LFNG: variants seen among roughly 807,000 people sequenced by gnomAD.
The protein encoded by LFNG is beta-1,3-N-acetylglucosaminyltransferase lunatic fringe.
Under a neutral mutation model 32.7 loss-of-function variants are expected in LFNG, and 15 were observed. The observed-to-expected ratio is 0.46, with a 90% CI of 0.31 to 0.71. LFNG has a LOEUF of 0.71. Among genes scored for constraint, LFNG ranks in the 30% least tolerant of loss-of-function variants. The pLI is 0.06. For synonymous variants in LFNG, 274 were observed against 246.8 expected (o/e 1.11, Z -1.03); for missense variants, 520 against 545.7 (o/e 0.95, Z 0.47).
intron 5 of LFNG, 70 bp downstream of exon 5, chr7:2,525,840 C>T: frequency 7.3e-7 from 1 of 1,369,232 alleles, no homozygotes; most frequent in Non-Finnish European, 1.0e-6. Context: ...TGGCTTAGTT[C>T]ATCTTCCCAG....
chr7:2,526,347 G>C lies in LFNG; in HGVS notation c.925G>C (p.Gly309Arg). Residue 309 changes from glycine to arginine, a missense_variant, in exon 6 of 8, where the codon GGC becomes CGC. Gly to Arg is a moderately radical substitution (Grantham distance 125, BLOSUM62 -2). Transcript: ENST00000222725. The surrounding 1 kb of genome is among the most constrained non-coding windows in gnomAD (Gnocchi z 6.9). ...GCTGGGTGTGCCCCTCATCCGCAGC[G>C]GCCTCTTCCACTCCCACCTGGAGAA... ...ALLGVPLIRSGLFHSHLENLQ... is the reference protein window; with the variant it reads ...ALLGVPLIRSRLFHSHLENLQ... The C allele has an allele frequency of 6.2e-7, 1 of 1,612,294 alleles. No homozygotes were observed. The highest frequency in any genetic ancestry group is 8.5e-7 in the Non-Finnish European group (1 of 1,179,958).
At chr7:2,528,787 A>C (rs935153672), downstream of LFNG, 1 of 652,190 alleles carries the variant, frequency 1.5e-6, no homozygotes, top group Non-Finnish European at 2.8e-6. Flanking sequence ...AGGGACAGTG[A>C]CTCCTGTGAC....
chr7:2,527,268 A>G lies in LFNG; in HGVS notation c.*56A>G. 1 of 1,598,962 alleles carries G rather than the reference A, an allele frequency of 6.3e-7. No individual in the cohort carries two copies. The highest frequency in any genetic ancestry group is 8.5e-7 in the Non-Finnish European group (1 of 1,176,624). On this transcript the variant is annotated 3_prime_UTR_variant, in exon 8 of 8. Transcript: ENST00000222725. This position sits in a 1 kb window ranked among gnomAD's most constrained non-coding sequence, Gnocchi z 4.4. ...CCCCTGGTATCCAAAGGGCCCAGGG[A>G]CCCTGTTGCGCTGCCCTGGCCTCGG...
chr7:2,527,916 G>T lies in LFNG; in HGVS notation c.*704G>T, dbSNP rs1562556755. On this transcript the variant is annotated 3_prime_UTR_variant, in exon 8 of 8. Coordinates refer to ENST00000222725, the MANE Select transcript of LFNG (RefSeq NM_001040167.2). The surrounding 1 kb of genome is among the most constrained non-coding windows in gnomAD (Gnocchi z 4.4). ...TCCCTTTGCCTCCCCAGGACAGGGT[G>T]AGTCAGAGCTCAGCATTTAATCTCC... is the stretch of plus-strand genomic sequence containing the variant. 6.1e-6 allele frequency: 6 copies of T among 987,356 alleles called. No homozygotes were observed. Among genetic ancestry groups the T allele is most frequent in the Non-Finnish European group, 7.2e-6 (6 of 831,106 alleles). The allele number at this position is 987,356 out of a possible 1,614,324, so 61.2% of individuals were successfully genotyped here.
chr7:2,516,178 C>T (rs971989465), upstream of LFNG, among the ~76,000 whole-genome samples: 9 of 152,244 alleles, frequency 5.9e-5, no homozygotes, highest in African/African-American at 1.9e-4. Flanking sequence ...CAGCCACCAC[C>T]ATGCTGAGTC....
chr7:2,525,622 T>G, intron 4 of LFNG, 55 bp downstream of exon 4: 1 of 1,611,616 alleles, frequency 6.2e-7, no homozygotes, highest in Non-Finnish European at 8.5e-7. Flanking sequence ...ACACCCGGAG[T>G]GGGGGTGGGA....
At chr7:2,512,537 C>A in exon 1 of LFNG, 2 of 870,750 alleles carry the variant, frequency 2.3e-6, no homozygotes, top group South Asian at 1.5e-5. Flanking sequence ...CCAGACTAAG[C>A]TGCAACACTG....
In LFNG at chr7:2,526,493, G is replaced by C. The variant is rs894395517; in HGVS notation, c.987+84G>C. On this transcript the variant is annotated intron_variant, in intron 6 of 7. Coordinates refer to ENST00000222725, the MANE Select transcript of LFNG (RefSeq NM_001040167.2). This position sits in a 1 kb window ranked among gnomAD's most constrained non-coding sequence, Gnocchi z 6.9. ...GCCGAGAGGGGCGCAGTGGGGTGGG[G>C]CACTGTTCTAAACAGGGAGGCCAGG... 2 of 1,480,830 alleles carry C rather than the reference G, an allele frequency of 1.4e-6. No homozygotes were observed. Among genetic ancestry groups the C allele is most frequent in the East Asian group, 4.6e-5 (2 of 43,904 alleles). 91.7% of individuals were successfully genotyped at this position (1,480,830 alleles called of 1,614,324 possible). A position where few individuals can be genotyped will look rare whatever the true frequency, so the allele number is the denominator to read the frequency against.
chr7:2,528,254 C>T lies in LFNG; in HGVS notation c.*1042C>T. 2.0e-6 allele frequency: 2 copies of T among 986,066 alleles called. No individual in the cohort carries two copies. Among genetic ancestry groups the T allele is most frequent in the Non-Finnish European group, 2.4e-6 (2 of 830,044 alleles). The allele number at this position is 986,066 out of a possible 1,614,324, so 61.1% of individuals were successfully genotyped here. A position where few individuals can be genotyped will look rare whatever the true frequency, so the allele number is the denominator to read the frequency against. On this transcript the variant is annotated 3_prime_UTR_variant, in exon 8 of 8. Transcript: ENST00000222725. ...TGCCCTCCTCCTGTGTAGCTGCCAC[C>T]TCCCCGCTGGGCCCAGCATGGCTCA...
In LFNG at chr7:2,527,136, G is replaced by C; in HGVS notation, c.1074-10G>C. On this transcript the variant is annotated splice_polypyrimidine_tract_variant and intron_variant, in intron 7 of 7. Transcript: ENST00000222725. This position sits in a 1 kb window ranked among gnomAD's most constrained non-coding sequence, Gnocchi z 4.4. Reference sequence around the variant, plus strand: ...ACCCACGCAGACCAGCCCCTGCTCTGTTCCCACAGGTTCCGCTCCATCCAC... The same window carrying C: ...ACCCACGCAGACCAGCCCCTGCTCTCTTCCCACAGGTTCCGCTCCATCCAC... 1 of 1,612,110 alleles carries C rather than the reference G, an allele frequency of 6.2e-7. No homozygotes were observed. Among genetic ancestry groups the C allele is most frequent in the Non-Finnish European group, 8.5e-7 (1 of 1,179,594 alleles).
At chr7:2,518,563 G>A, upstream of LFNG, 7 of 1,516,348 alleles carry the variant, frequency 4.6e-6, no homozygotes, top group Non-Finnish European at 6.4e-6. Context: ...AATGACACCA[G>A]GTCGCTGCTG....
upstream of LFNG, among the ~76,000 whole-genome samples, chr7:2,513,808 T>A (rs1779546814): frequency 6.6e-6 from 1 of 152,202 alleles, no homozygotes; most frequent in Non-Finnish European, 1.5e-5. Context: ...GTGGCTGCGC[T>A]CTGATGCTGG....
At chr7:2,517,123 G>T (rs1357273290), upstream of LFNG, among the ~76,000 whole-genome samples, 3 of 152,198 alleles carry the variant, frequency 2.0e-5, no homozygotes, top group African/African-American at 4.8e-5. Context: ...CCTAGAGGGA[G>T]ACCTGGGGTC....
At chr7:2,525,591 C>A in intron 4 of LFNG, 24 bp downstream of exon 4, 1 of 1,612,138 alleles carries the variant, frequency 6.2e-7, no homozygotes, top group Non-Finnish European at 8.5e-7. Flanking sequence ...CCTCCCAGTC[C>A]CCCACGCCCA....
rs1341252096 is a variant in LFNG, at chr7:2,519,871, C to T, written c.10C>T (p.Arg4Cys). Residue 4 changes from arginine to cysteine, a missense_variant, in exon 1 of 8, where the codon CGC (arginine) becomes TGC (cysteine). Physicochemically the swap from Arg to Cys is radical, Grantham distance 180. Around this residue, in one of 3 missense-constraint regions of LFNG, gnomAD observed 360 missense variants for 354.7 expected, o/e 1.01. Transcript: ENST00000222725. Reference protein sequence around the residue: MLKRCGRRLLLALA... With the variant: MLKCCGRRLLLALA... ...CGGCCGCCACCCCACCATGCTCAAG[C>T]GCTGCGGCCGGCGCCTGCTGCTGGC... The T allele has an allele frequency of 5.4e-6, 6 of 1,104,024 alleles. No individual in the cohort carries two copies. Among genetic ancestry groups the T allele is most frequent in the Non-Finnish European group, 5.5e-6 (5 of 903,032 alleles). 68.4% of individuals were successfully genotyped at this position (1,104,024 alleles called of 1,614,324 possible). A position where few individuals can be genotyped will look rare whatever the true frequency, so the allele number is the denominator to read the frequency against.
At chr7:2,522,946 T>G (rs1324459251) in intron 1 of LFNG, among the ~76,000 whole-genome samples, 2 of 152,140 alleles carry the variant, frequency 1.3e-5, no homozygotes, top group South Asian at 4.1e-4. Flanking sequence ...TTTCCTCCCC[T>G]CCTGGTGGCT....
At chr7:2,525,150 C>T (rs1292114535) in intron 2 of LFNG, 69 bp from the exon 3 acceptor site, 69 of 1,363,476 alleles carry the variant, frequency 5.1e-5, no homozygotes, top group South Asian at 3.5e-4. Flanking sequence ...GGCCCTGTGG[C>T]GTCCCCCAGG....
At position 2,525,475 on chromosome 7, in the gene LFNG, G is replaced by A. The variant is rs1160316709; in HGVS notation, c.643G>A (p.Ala215Thr). The change falls in exon 4 of 8, where the codon GCC (alanine) becomes ACC (threonine). Residue 215 changes from alanine to threonine, a missense_variant. Transcript: ENST00000222725. ...VNLRALLRLL[A>T]SYPHTRDVYV... ...CCTGCGGGCCCTGCTGCGGCTGCTG[G>A]CCAGCTACCCGCACACGCGGGACGT... 1.2e-6 allele frequency: 2 copies of A among 1,612,408 alleles called. No individual in the cohort carries two copies. The highest frequency in any genetic ancestry group is 1.3e-5 in the African/African-American group (1 of 74,940).
At chr7:2,521,508 G>A (rs916580662) in intron 1 of LFNG, among the ~76,000 whole-genome samples, 2 of 152,214 alleles carry the variant, frequency 1.3e-5, no homozygotes, top group African/African-American at 2.4e-5. Flanking sequence ...CGCTGCTGGC[G>A]TGCTGGCCAC....
Sources: gnomAD v4.1 joint callset for allele counts (sites outside exome capture counted in the v4.1 genomes callset) on GRCh38, gnomAD v4.1.1 for gene constraint, gnomAD v4.1.1 regional missense constraint, Gnocchi (gnomAD v3.1) non-coding constraint, MANE v1.5 for transcripts, NCBI Gene and HGNC (gene_info 2026-07-23, HGNC 2026-07-21) for gene names.